The following TAB2 variants were observed in gnomAD, a reference collection of about 807,000 sequenced individuals.
TAB2 encodes TGF-beta activated kinase 1 (MAP3K7) binding protein 2.
TAB2 carries 3 observed loss-of-function variants against 65.0 expected under a neutral mutation model. The ratio of observed to expected loss-of-function variants is 0.05; its 90% CI spans 0.02 to 0.12. TAB2 has a LOEUF of 0.12. Ranked by LOEUF, TAB2 falls within the 10% of genes least tolerant of loss-of-function variation. TAB2 has a pLI of 1.00. For synonymous variants in TAB2, 298 were observed against 285.1 expected (o/e 1.05, Z -0.46); for missense variants, 623 against 840.3 (o/e 0.74, Z 3.20).
At chr6:149,254,093 G>T (rs565357845) in intron 1 of TAB2, among the ~76,000 whole-genome samples, 2 of 108,298 alleles carry the variant, frequency 1.8e-5, no homozygotes, top group Non-Finnish European at 4.0e-5. Context: ...AAGGAAGGAA[G>T]GAAGGAAGGA....
At chr6:149,391,484 T>C (rs998031548) in intron 3 of TAB2, among the ~76,000 whole-genome samples, 1 of 152,048 alleles carries the variant, frequency 6.6e-6, no homozygotes, top group East Asian at 1.9e-4. Flanking sequence ...CTGAACGAGC[T>C]TTCTATCTAT....
At chr6:149,304,865 T>C (rs1460986540) in intron 1 of TAB2, among the ~76,000 whole-genome samples, 1 of 152,176 alleles carries the variant, frequency 6.6e-6, no homozygotes, top group Non-Finnish European at 1.5e-5. Context: ...AAGTCCCTTA[T>C]ATAAAATGAC....
At chr6:149,354,040 A>C (rs1780575649) in intron 1 of TAB2, among the ~76,000 whole-genome samples, 1 of 152,228 alleles carries the variant, frequency 6.6e-6, no homozygotes, top group African/African-American at 2.4e-5. Context: ...TCTAGATAAA[A>C]TTTAACTAAA....
chr6:149,293,972 G>A (rs946418574), intron 1 of TAB2, among the ~76,000 whole-genome samples: 13 of 151,646 alleles, frequency 8.6e-5, no homozygotes, highest in African/African-American at 3.1e-4. Flanking sequence ...TATTTTCCCT[G>A]AAAAAAAATT....
At chr6:149,351,201 A>G (rs892400261) in intron 1 of TAB2, among the ~76,000 whole-genome samples, 2 of 152,136 alleles carry the variant, frequency 1.3e-5, no homozygotes, top group African/African-American at 2.4e-5. Flanking sequence ...TGCACAACCT[A>G]GTACTGTTGA....
intron 2 of TAB2, among the ~76,000 whole-genome samples, chr6:149,373,745 C>T (rs1781307412): frequency 6.6e-6 from 1 of 152,112 alleles, no homozygotes; most frequent in Admixed American, 6.5e-5. Context: ...AGTGATTTTC[C>T]ACCTTCTAAA....
intron 1 of TAB2, among the ~76,000 whole-genome samples, chr6:149,228,099 G>A (rs1392504677): frequency 1.3e-5 from 2 of 151,896 alleles, no homozygotes; most frequent in African/African-American, 2.4e-5. Context: ...TAAGCCCAGC[G>A]CCAAGTCAGA....
intron 1 of TAB2, among the ~76,000 whole-genome samples, chr6:149,349,293 G>A (rs566739410): frequency 5.3e-5 from 8 of 151,124 alleles, no homozygotes; most frequent in East Asian, 4.0e-4. Flanking sequence ...GGTGGCACGC[G>A]CCTGTAATCC....
At chr6:149,253,958 A>AAGAGAAAGAAAGAAAGAAAAAG (rs1403666068) in intron 1 of TAB2, among the ~76,000 whole-genome samples, 8 of 76,366 alleles carry the variant, frequency 1.0e-4, no homozygotes, top group African/African-American at 3.5e-4. Context: ...GAAAGAAAGA[A>AAGAGAAAGAAAGAAAGAAAAAG]AAAGAAAGAA....
intron 1 of TAB2, among the ~76,000 whole-genome samples, chr6:149,260,981 G>A (rs1778142208): frequency 6.6e-6 from 1 of 152,062 alleles, no homozygotes; most frequent in African/African-American, 2.4e-5. Flanking sequence ...ATTTCCTCTG[G>A]ATTAAACATG....
At chr6:149,320,560 T>C (rs1284482682) in intron 1 of TAB2, among the ~76,000 whole-genome samples, 3 of 152,210 alleles carry the variant, frequency 2.0e-5, no homozygotes, top group Non-Finnish European at 4.4e-5. Flanking sequence ...AATGTACATA[T>C]GTGTATCTGT....
chr6:149,356,767 C>G (rs1035680541), intron 1 of TAB2, among the ~76,000 whole-genome samples: 1 of 152,174 alleles, frequency 6.6e-6, no homozygotes, highest in Non-Finnish European at 1.5e-5. Flanking sequence ...ATCTTTCCAG[C>G]CTTCATCTGT....
intron 3 of TAB2, among the ~76,000 whole-genome samples, chr6:149,383,498 G>A (rs1781687824): frequency 6.6e-6 from 1 of 152,102 alleles, no homozygotes; most frequent in African/African-American, 2.4e-5. Context: ...CACTGTTTTG[G>A]GATTGGTACT....
At chr6:149,390,957 G>A (rs1289598629) in intron 3 of TAB2, among the ~76,000 whole-genome samples, 1 of 151,986 alleles carries the variant, frequency 6.6e-6, no homozygotes, top group Non-Finnish European at 1.5e-5. Context: ...CATTTTTCCT[G>A]GAGTCTTCTC....
intron 1 of TAB2, among the ~76,000 whole-genome samples, chr6:149,328,274 C>G (rs1239733966): frequency 6.6e-6 from 1 of 152,166 alleles, no homozygotes; most frequent in Non-Finnish European, 1.5e-5. Context: ...ACTCATTCTT[C>G]TATTGTGTCT....
chr6:149,285,629 C>T (rs923102809), intron 1 of TAB2, among the ~76,000 whole-genome samples: 1 of 152,210 alleles, frequency 6.6e-6, no homozygotes, highest in African/African-American at 2.4e-5. Context: ...TACTAGTACA[C>T]TGAGTGACTT....
intron 1 of TAB2, among the ~76,000 whole-genome samples, chr6:149,251,693 C>T (rs1019168945): frequency 9.9e-5 from 15 of 152,174 alleles, no homozygotes; most frequent in Admixed American, 9.2e-4. Flanking sequence ...GGAACCTCTG[C>T]TCTTGAATTC....
At chr6:149,382,806 T>TA (rs1044839162) in intron 3 of TAB2, among the ~76,000 whole-genome samples, 2 of 151,800 alleles carry the variant, frequency 1.3e-5, no homozygotes, top group Non-Finnish European at 2.9e-5. Context: ...AACCATTAAT[T>TA]AAAAAAAGGC....
intron 1 of TAB2, among the ~76,000 whole-genome samples, chr6:149,296,939 T>C (rs1359984154): frequency 1.3e-5 from 2 of 152,204 alleles, no homozygotes; most frequent in South Asian, 2.1e-4. Context: ...TCTTTTTATT[T>C]CGAAAAATTT....
Sources: gnomAD v4.1 joint callset for allele counts (sites outside exome capture counted in the v4.1 genomes callset) on GRCh38, gnomAD v4.1.1 for gene constraint, MANE v1.5 for transcripts, NCBI Gene and HGNC (gene_info 2026-07-23, HGNC 2026-07-21) for gene names.